The following CSNK1A1 variants were observed in gnomAD, a reference collection of about 807,000 sequenced individuals.
The protein encoded by CSNK1A1 is casein kinase I isoform alpha.
In CSNK1A1, 7 loss-of-function variants were observed where a neutral mutation model predicts 46.1. The ratio of observed to expected loss-of-function variants is 0.15; its 90% CI spans 0.09 to 0.29. The LOEUF (loss-of-function observed/expected upper bound fraction) is 0.29, where lower values mean the gene tolerates loss of function less well. Ranked by LOEUF, CSNK1A1 falls within the 10% of genes least tolerant of loss-of-function variation. The pLI is 1.00. For missense variants in CSNK1A1, 96 were observed against 417.1 expected (o/e 0.23, Z 6.71); for synonymous variants, 137 against 141.5 (o/e 0.97, Z 0.23).
intron 2 of CSNK1A1, among the ~76,000 whole-genome samples, chr5:149,542,622 A>T (rs190340189): frequency 1.0e-3 from 14 of 13,768 alleles, no homozygotes; most frequent in African/African-American, 5.5e-3. Context: ...ATATATATAT[A>T]TATATATATA....
rs1761714176 is a variant in CSNK1A1, at chr5:149,525,927, AT to A, written c.231-757del. Among the ~76,000 whole-genome samples the A allele has an allele frequency of 6.6e-6, 1 of 152,170 alleles. No homozygotes were observed. The highest frequency in any genetic ancestry group is 2.4e-5 in the African/African-American group (1 of 41,434). ...CCACTTTTCTTTCAAACTTTTCTAG[AT>A]ATTAAATTCTGCTAAGAAAATCAGG... is the stretch of plus-strand genomic sequence containing the variant. On this transcript the variant is annotated intron_variant, in intron 2 of 9. Transcript: ENST00000377843. The surrounding 1 kb of genome is among the most constrained non-coding windows in gnomAD (Gnocchi z 4.2).
At chr5:149,545,787 T>C (rs1258162425) in intron 2 of CSNK1A1, 1 of 579,590 alleles carries the variant, frequency 1.7e-6, no homozygotes, top group East Asian at 3.7e-5. Flanking sequence ...GTGTGGTTCG[T>C]GGACTTGGCC....
At chr5:149,501,489 A>G (rs1413290504) in intron 9 of CSNK1A1, 1 of 985,346 alleles carries the variant, frequency 1.0e-6, no homozygotes, top group Non-Finnish European at 1.2e-6. Context: ...CAGCCCAGTA[A>G]AACTGGAAGG....
intron 2 of CSNK1A1, among the ~76,000 whole-genome samples, chr5:149,526,404 C>T (rs572115832): frequency 6.6e-6 from 1 of 152,194 alleles, no homozygotes; most frequent in Admixed American, 6.5e-5. Context: ...TGGACTCAAG[C>T]GATCCTCCTG....
intron 2 of CSNK1A1, among the ~76,000 whole-genome samples, chr5:149,549,838 CG>C (rs1762599461): frequency 6.6e-6 from 1 of 152,040 alleles, no homozygotes; most frequent in Admixed American, 6.6e-5. Flanking sequence ...ATGAAAGCCT[CG>C]GGAAGAGTGA....
At chr5:149,527,833 C>T (rs1761770829) in intron 2 of CSNK1A1, among the ~76,000 whole-genome samples, 1 of 152,048 alleles carries the variant, frequency 6.6e-6, no homozygotes, top group Non-Finnish European at 1.5e-5. Flanking sequence ...TAAGAAGGCG[C>T]AAAAAGTCAA....
intron 2 of CSNK1A1, among the ~76,000 whole-genome samples, chr5:149,538,186 C>G (rs1580855385): frequency 6.6e-6 from 1 of 152,072 alleles, no homozygotes; most frequent in African/African-American, 2.4e-5. Flanking sequence ...CCACGCCCAG[C>G]TAATTTTGTA....
intron 2 of CSNK1A1, among the ~76,000 whole-genome samples, chr5:149,531,318 T>C (rs1346291954): frequency 6.7e-6 from 1 of 149,404 alleles, no homozygotes; most frequent in Non-Finnish European, 1.5e-5. Context: ...GCGGATCACC[T>C]GAGGTCGGCA....
At chr5:149,498,537 A>G in intron 9 of CSNK1A1, 1 of 985,304 alleles carries the variant, frequency 1.0e-6, no homozygotes, top group Non-Finnish European at 1.2e-6. Flanking sequence ...AAAAAGAAAA[A>G]AAGTACAATA....
At chr5:149,534,481 T>TC (rs1761994315) in intron 2 of CSNK1A1, among the ~76,000 whole-genome samples, 1 of 16,734 alleles carries the variant, frequency 6.0e-5, no homozygotes, top group Non-Finnish European at 1.0e-4. Flanking sequence ...AGACTCTGTC[T>TC]CAAAAAAAAA....
At chr5:149,538,107 C>A (rs1468504994) in intron 2 of CSNK1A1, among the ~76,000 whole-genome samples, 3 of 149,500 alleles carry the variant, frequency 2.0e-5, no homozygotes, top group Non-Finnish European at 4.4e-5. Flanking sequence ...ACTGCAACCT[C>A]CGCCTCCCAG....
At chr5:149,518,512 C>T (rs564033357) in intron 4 of CSNK1A1, among the ~76,000 whole-genome samples, 5 of 152,236 alleles carry the variant, frequency 3.3e-5, no homozygotes, top group African/African-American at 1.2e-4. Flanking sequence ...TGGCATTTTT[C>T]AAACTACAAT....
intron 9 of CSNK1A1, chr5:149,501,953 A>G (rs1760871964): frequency 1.1e-6 from 1 of 936,168 alleles, no homozygotes; most frequent in South Asian, 4.9e-5. Context: ...TCTTGTAGTA[A>G]TTGAACATTA....
intron 5 of CSNK1A1, among the ~76,000 whole-genome samples, chr5:149,512,290 T>C (rs983041015): frequency 2.0e-5 from 3 of 151,990 alleles, no homozygotes; most frequent in Non-Finnish European, 4.4e-5. Flanking sequence ...CATATCTATA[T>C]ACACATACAT....
At chr5:149,527,972 G>A (rs1761773207) in intron 2 of CSNK1A1, among the ~76,000 whole-genome samples, 1 of 152,088 alleles carries the variant, frequency 6.6e-6, no homozygotes, top group Non-Finnish European at 1.5e-5. Flanking sequence ...ATCCATCTAA[G>A]CCCAAACACA....
At chr5:149,501,049 T>C (rs1760841571) in intron 9 of CSNK1A1, 2 of 985,388 alleles carry the variant, frequency 2.0e-6, no homozygotes, top group African/African-American at 3.5e-5. Flanking sequence ...AGCTGGTAGA[T>C]GGTCTGCATT....
At chr5:149,541,742 G>A (rs1015057853) in intron 2 of CSNK1A1, among the ~76,000 whole-genome samples, 3 of 151,886 alleles carry the variant, frequency 2.0e-5, no homozygotes, top group Non-Finnish European at 2.9e-5. Context: ...TTGGGAGGCC[G>A]AGGCAGGTGG....
intron 2 of CSNK1A1, among the ~76,000 whole-genome samples, chr5:149,542,650 A>ATATATG (rs1762320924): frequency 1.6e-4 from 1 of 6,128 alleles, no homozygotes; most frequent in East Asian, 6.1e-3. Context: ...GTATATATAT[A>ATATATG]TATATATATA....
At chr5:149,500,295 G>GC (rs2113048063) in intron 9 of CSNK1A1, among the ~76,000 whole-genome samples, 1 of 151,896 alleles carries the variant, frequency 6.6e-6, no homozygotes, top group African/African-American at 2.4e-5. Context: ...CCGCCACCAC[G>GC]CCCGGCTAAT....
Sources: gnomAD v4.1 joint callset for allele counts (sites outside exome capture counted in the v4.1 genomes callset) on GRCh38, gnomAD v4.1.1 for gene constraint, Gnocchi (gnomAD v3.1) non-coding constraint, MANE v1.5 for transcripts, NCBI Gene and HGNC (gene_info 2026-07-23, HGNC 2026-07-21) for gene names.